Variants in STK32A observed in about 807,000 individuals in gnomAD.
The protein encoded by STK32A is serine/threonine kinase 32A, also known as serine/threonine-protein kinase 32A.
Under a neutral mutation model 53.2 loss-of-function variants are expected in STK32A, and 41 were observed. The ratio of observed to expected loss-of-function variants is 0.77; its 90% confidence interval spans 0.60 to 1.00. STK32A has a LOEUF of 1.00. Ranked by LOEUF, STK32A falls within the 50% of genes least tolerant of loss-of-function variation. The pLI, the probability that STK32A is intolerant of heterozygous loss-of-function variation, is 0.00. For missense variants in STK32A, 458 were observed against 485.8 expected, an observed-to-expected ratio of 0.94 and a Z score of 0.54; for synonymous variants, 166 against 162.8, an observed-to-expected ratio of 1.02 and a Z score of -0.15.
chr5:147,356,508 G>T (rs572559476), intron 7 of STK32A, among the ~76,000 whole-genome samples: 1 of 152,166 alleles, frequency 6.6e-6, no homozygotes, highest in East Asian at 1.9e-4. Context: ...CAGTCATAGG[G>T]GTCTGATGCC....
At chr5:147,329,762 T>A (rs1754774716) in intron 5 of STK32A, among the ~76,000 whole-genome samples, 2 of 152,242 alleles carry the variant, frequency 1.3e-5, no homozygotes, top group Non-Finnish European at 2.9e-5. Flanking sequence ...CTCTCCAATC[T>A]TAAGCCCTCA....
the STK32A span, chr5:147,397,876 G>C: frequency 7.1e-7 from 1 of 1,400,162 alleles, no homozygotes; most frequent in Non-Finnish European, 9.6e-7. Context: ...CAAAGCCACA[G>C]TAAGGGTAGA....
At chr5:147,351,239 T>C (rs1289916613) in intron 7 of STK32A, 85 bp downstream of exon 7, 13 of 1,179,920 alleles carry the variant, frequency 1.1e-5, no homozygotes, top group Non-Finnish European at 1.5e-5. Flanking sequence ...GATTTGCAGC[T>C]AGAACTGGTA....
intron 1 of STK32A, among the ~76,000 whole-genome samples, chr5:147,236,345 A>G (rs1753318032): frequency 6.6e-6 from 1 of 152,066 alleles, no homozygotes; most frequent in Non-Finnish European, 1.5e-5. Flanking sequence ...ATTTTCATGG[A>G]TGGTAGCTGT....
intron 11 of STK32A, among the ~76,000 whole-genome samples, chr5:147,377,111 AT>A (rs1206674590): frequency 6.6e-6 from 1 of 152,152 alleles, no homozygotes; most frequent in Non-Finnish European, 1.5e-5. Flanking sequence ...GCCTTCACCT[AT>A]CCCATAAGTT....
At chr5:147,335,786 T>A (rs1009040904) in intron 5 of STK32A, among the ~76,000 whole-genome samples, 2 of 152,134 alleles carry the variant, frequency 1.3e-5, no homozygotes, top group Admixed American at 1.3e-4. Context: ...ACAGTGTGTG[T>A]GTGTATGTGT....
chr5:147,297,431 G>A (rs1312819988), intron 4 of STK32A, among the ~76,000 whole-genome samples: 1 of 152,126 alleles, frequency 6.6e-6, no homozygotes, highest in African/African-American at 2.4e-5. Context: ...TTCCTGACTG[G>A]GAATCAAACC....
the STK32A span, among the ~76,000 whole-genome samples, chr5:147,395,335 A>C: frequency 6.6e-6 from 1 of 152,122 alleles, no homozygotes; most frequent in Non-Finnish European, 1.5e-5. Context: ...TTACCACTTA[A>C]ACCTGGTCTT....
intron 5 of STK32A, among the ~76,000 whole-genome samples, chr5:147,339,552 T>A (rs541934657): frequency 2.0e-5 from 3 of 152,284 alleles, no homozygotes; most frequent in African/African-American, 7.2e-5. Context: ...ACCAGAATGG[T>A]AGCTCCACCA....
the STK32A span, chr5:147,399,089 T>C: frequency 6.2e-7 from 1 of 1,614,030 alleles, no homozygotes; most frequent in Non-Finnish European, 8.5e-7. Context: ...TACAGACTGG[T>C]GGTTCTTGGC....
At chr5:147,363,930 G>A (rs903347774) in intron 8 of STK32A, among the ~76,000 whole-genome samples, 1 of 152,000 alleles carries the variant, frequency 6.6e-6, no homozygotes, top group African/African-American at 2.4e-5. Flanking sequence ...AAATCTCCTC[G>A]GCTGGCCTGG....
intron 4 of STK32A, among the ~76,000 whole-genome samples, chr5:147,296,485 G>A (rs1435280607): frequency 1.3e-5 from 2 of 152,122 alleles, no homozygotes; most frequent in Admixed American, 6.5e-5. Flanking sequence ...TGTGCAGTGT[G>A]TTTACTGAAG....
chr5:147,355,005 C>T (rs554477094), intron 7 of STK32A, among the ~76,000 whole-genome samples: 1 of 152,196 alleles, frequency 6.6e-6, no homozygotes, highest in East Asian at 1.9e-4. Context: ...AAATTATGCT[C>T]CCAATGGTTT....
chr5:147,336,792 G>A (rs974522509), intron 5 of STK32A, among the ~76,000 whole-genome samples: 3 of 152,102 alleles, frequency 2.0e-5, no homozygotes, highest in African/African-American at 4.8e-5. Context: ...TAGCCCATCT[G>A]TGACACCCTA....
chr5:147,352,691 T>G (rs72831398), intron 7 of STK32A, among the ~76,000 whole-genome samples: 260 of 152,326 alleles, frequency 1.7e-3, no homozygotes, highest in Non-Finnish European at 3.1e-3. Flanking sequence ...ATTTAATTCT[T>G]GATTAGATAT....
intron 2 of STK32A, among the ~76,000 whole-genome samples, chr5:147,259,129 C>A (rs1428062938): frequency 2.0e-5 from 3 of 152,088 alleles, no homozygotes; most frequent in East Asian, 3.9e-4. Flanking sequence ...TGTTAGGAAA[C>A]CTGCTGGGTT....
chr5:147,348,554 C>T (rs1755801954), intron 6 of STK32A: 1 of 663,706 alleles, frequency 1.5e-6, no homozygotes, highest in Non-Finnish European at 2.8e-6. Context: ...GGCTCTAAAA[C>T]CTTCTCTACC....
intron 4 of STK32A, among the ~76,000 whole-genome samples, chr5:147,316,524 A>G (rs950168626): frequency 6.6e-6 from 1 of 152,230 alleles, no homozygotes; most frequent in Admixed American, 6.5e-5. Flanking sequence ...CTGAACATCA[A>G]TAAGAATAAT....
At chr5:147,303,479 G>A (rs1211361978) in intron 4 of STK32A, among the ~76,000 whole-genome samples, 2 of 152,136 alleles carry the variant, frequency 1.3e-5, no homozygotes, top group Non-Finnish European at 2.9e-5. Flanking sequence ...CTCTGCCACA[G>A]TCACATTTTC....
Sources: allele counts gnomAD v4.1 joint callset (sites outside exome capture counted in the v4.1 genomes callset), GRCh38; gene constraint gnomAD v4.1.1; transcripts MANE v1.5; gene names NCBI Gene and HGNC (gene_info 2026-07-23, HGNC 2026-07-21).